The following FSTL5 variants were observed in gnomAD, a reference collection of about 807,000 sequenced individuals.
The protein encoded by FSTL5 is follistatin-related protein 5.
FSTL5 carries 62 observed loss-of-function variants against 89.1 expected under a neutral mutation model. The observed-to-expected ratio is 0.70, with a 90% confidence interval of 0.57 to 0.86. The LOEUF (loss-of-function observed/expected upper bound fraction) is 0.86, where lower values mean the gene tolerates loss of function less well. Among genes scored for constraint, FSTL5 ranks in the 40% least tolerant of loss-of-function variants. The pLI, the probability that FSTL5 is intolerant of heterozygous loss-of-function variation, is 0.00. For synonymous variants in FSTL5, 383 were observed against 346.2 expected (o/e 1.11, Z -1.18); for missense variants, 1,057 against 1,001.6 (o/e 1.06, Z -0.75).
rs1203849119 is a variant in FSTL5 at position 161,517,855 on chromosome 4, C to T, written c.1313-7431G>A. ...AATTAGATGTCTTATTGACTGCTTT[C>T]CTTTTGGATTTAAGAAACTGACTTA... On this transcript the variant is annotated intron_variant, in intron 10 of 15. Coordinates refer to ENST00000306100, the MANE Select transcript of FSTL5 (RefSeq NM_020116.5). 4.6e-5 allele frequency among the ~76,000 whole-genome samples: 7 copies of T among 151,996 alleles called. No homozygotes were observed. In the South Asian group the frequency reaches 6.2e-4, roughly 14 times the overall value.
chr4:161,500,103 A>G lies in FSTL5; in HGVS notation c.1371T>C (p.Phe457=). ...GLGIGNMFYV[F]YEDGIKVIQP... ...GTATCACTTTGATTCCATCTTCATA[A>G]AAAACATAGAACATGTTCCCAATTC... is the stretch of plus-strand genomic sequence containing the variant. Residue 457 remains phenylalanine (F), a synonymous_variant, in exon 12 of 16, where the codon TTT becomes TTC. Transcript: ENST00000306100. 6.2e-7 allele frequency: 1 copy of G among 1,604,534 alleles called. No homozygotes were observed. Among genetic ancestry groups the G allele is most frequent in the Non-Finnish European group, 8.5e-7 (1 of 1,173,416 alleles).
chr4:161,509,130 C>A (rs2126497903), intron 11 of FSTL5, among the ~76,000 whole-genome samples: 1 of 152,164 alleles, frequency 6.6e-6, no homozygotes, highest in East Asian at 1.9e-4. Flanking sequence ...TGGCAAAACC[C>A]CGTCTCTACT....
chr4:161,574,528 A>G (rs1468615633), intron 8 of FSTL5, among the ~76,000 whole-genome samples: 1 of 151,808 alleles, frequency 6.6e-6, no homozygotes, highest in African/African-American at 2.4e-5. Context: ...CCAAGCCCTG[A>G]CAGGTCCCAG....
At chr4:161,539,766 AACAG>A (rs1242409745) in intron 9 of FSTL5, among the ~76,000 whole-genome samples, 2 of 152,178 alleles carry the variant, frequency 1.3e-5, no homozygotes, top group South Asian at 2.1e-4. Context: ...TATTTAAAAA[AACAG>A]ACAGCTATCT....
At chr4:161,414,837 A>T (rs937939990) in intron 15 of FSTL5, among the ~76,000 whole-genome samples, 7 of 152,172 alleles carry the variant, frequency 4.6e-5, no homozygotes, top group African/African-American at 1.7e-4. Flanking sequence ...ATGGTGAAAA[A>T]CACATGTTCT....
At chr4:161,480,649 G>A (rs78146054) in intron 13 of FSTL5, among the ~76,000 whole-genome samples, 3,546 of 152,228 alleles carry the variant, frequency 0.023, 59 homozygotes, top group Non-Finnish European at 0.035. Context: ...ATAAAATAAG[G>A]AGACCTCAAT....
At position 161,468,368 on chromosome 4, in the gene FSTL5, T is replaced by C. The variant is rs929223588; in HGVS notation, c.1609-9049A>G. On this transcript the variant is annotated intron_variant, in intron 13 of 15. Transcript: ENST00000306100. ...TGATAAAGGGTGGCATGGGACAGAA[T>C]GTATCAAGAGAAGGTTAGGATTTGT... is the stretch of plus-strand genomic sequence containing the variant. 2.6e-5 allele frequency among the ~76,000 whole-genome samples: 4 copies of C among 151,918 alleles called. No individual in the cohort carries two copies. In the East Asian group the frequency reaches 7.7e-4, roughly 29 times the overall value.
At chr4:162,023,037 C>T (rs968941350) in intron 3 of FSTL5, 3 of 152,100 alleles carry the variant, frequency 2.0e-5, no homozygotes, top group African/African-American at 7.2e-5. Flanking sequence ...ACTATGAAAT[C>T]TGTGCCTGTA....
At chr4:161,655,053 A>AT (rs1736468062) in intron 7 of FSTL5, among the ~76,000 whole-genome samples, 1 of 152,032 alleles carries the variant, frequency 6.6e-6, no homozygotes, top group African/African-American at 2.4e-5. Flanking sequence ...CTAGGAAAAT[A>AT]TTTTTTTGCT....
intron 3 of FSTL5, among the ~76,000 whole-genome samples, chr4:162,009,921 C>A (rs535250973): frequency 6.6e-6 from 1 of 150,934 alleles, no homozygotes; most frequent in South Asian, 2.1e-4. Flanking sequence ...TTGTGACATG[C>A]AATTTGAACT....
chr4:161,949,826 T>G (rs1438609914), intron 3 of FSTL5, among the ~76,000 whole-genome samples: 3 of 152,012 alleles, frequency 2.0e-5, no homozygotes, highest in African/African-American at 7.2e-5. Context: ...TGGAATTCTC[T>G]GCTTTAATTC....
At chr4:161,922,795 G>A (rs1734027513) in intron 3 of FSTL5, among the ~76,000 whole-genome samples, 1 of 150,272 alleles carries the variant, frequency 6.7e-6, no homozygotes, top group Non-Finnish European at 1.5e-5. Context: ...TTATTTGGAA[G>A]ATACTAGGAA....
At chr4:161,922,168 A>C (rs751675812) in intron 3 of FSTL5, among the ~76,000 whole-genome samples, 4 of 152,012 alleles carry the variant, frequency 2.6e-5, no homozygotes, top group Non-Finnish European at 4.4e-5. Context: ...ACTTGTAAAA[A>C]ATTTCAAACT....
intron 3 of FSTL5, among the ~76,000 whole-genome samples, chr4:162,000,221 T>A (rs1736419505): frequency 6.6e-6 from 1 of 152,196 alleles, no homozygotes; most frequent in African/African-American, 2.4e-5. Context: ...AATTTTCTTT[T>A]TTATTAAACC....
At chr4:162,106,034 A>G (rs1171903454) in intron 2 of FSTL5, among the ~76,000 whole-genome samples, 1 of 152,174 alleles carries the variant, frequency 6.6e-6, no homozygotes, top group Non-Finnish European at 1.5e-5. Flanking sequence ...ATCCACATCT[A>G]TCACTCTTTA....
chr4:161,793,197 C>T (rs532763342), intron 4 of FSTL5, among the ~76,000 whole-genome samples: 1 of 152,178 alleles, frequency 6.6e-6, no homozygotes, highest in African/African-American at 2.4e-5. Flanking sequence ...CTGTGCCCAG[C>T]GGCCAGACCC....
chr4:162,054,057 G>T (rs949628305), intron 2 of FSTL5, among the ~76,000 whole-genome samples: 86 of 151,786 alleles, frequency 5.7e-4, no homozygotes, highest in African/African-American at 2.0e-3. Context: ...AAAATATTTA[G>T]CAAAATGAAT....
chr4:162,104,943 C>T (rs1037807312), intron 2 of FSTL5, among the ~76,000 whole-genome samples: 1 of 152,162 alleles, frequency 6.6e-6, no homozygotes, highest in Non-Finnish European at 1.5e-5. Context: ...ACAGAATCAT[C>T]ATTATAATAC....
intron 10 of FSTL5, among the ~76,000 whole-genome samples, chr4:161,532,994 C>A (rs28463586): frequency 0.027 from 4,095 of 149,338 alleles, 174 homozygotes; most frequent in African/African-American, 0.092. Flanking sequence ...TGAACAATAA[C>A]ATTAACGCAG....
Sources: allele counts gnomAD v4.1 joint callset (sites outside exome capture counted in the v4.1 genomes callset), GRCh38; gene constraint gnomAD v4.1.1; transcripts MANE v1.5; gene names NCBI Gene and HGNC (gene_info 2026-07-23, HGNC 2026-07-21).